FHAD1: variants seen among roughly 807,000 people sequenced by gnomAD.
FHAD1 encodes the protein forkhead-associated domain-containing protein 1.
A neutral mutation model predicts 191.3 loss-of-function variants in FHAD1; 146 were observed. The observed-to-expected ratio is 0.76, with a 90% confidence interval of 0.67 to 0.88. The LOEUF is 0.88. FHAD1 is among the 40% of genes least tolerant of loss of function. FHAD1 has a pLI of 0.00. For missense variants in FHAD1, 1,635 were observed against 1,785.8 expected, an observed-to-expected ratio of 0.92 and a Z score of 1.52; for synonymous variants, 616 against 672.3, an observed-to-expected ratio of 0.92 and a Z score of 1.29.
intron 2 of FHAD1, among the ~76,000 whole-genome samples, chr1:15,267,093 A>G (rs1314568092): frequency 6.6e-6 from 1 of 152,264 alleles, no homozygotes; most frequent in Non-Finnish European, 1.5e-5. Context: ...CAAATTAAAG[A>G]TGGACAAAAG....
intron 31 of FHAD1, among the ~76,000 whole-genome samples, chr1:15,383,002 CCACA>C (rs939706244): frequency 6.6e-6 from 1 of 151,952 alleles, no homozygotes; most frequent in African/African-American, 2.4e-5. Flanking sequence ...CCCCCTCCCA[CCACA>C]CACACACACG....
rs2102997828 is a variant in FHAD1, at chr1:15,382,026, A to G, written c.4023-2A>G. ...CAGACGCCATCTCTCCTGTGCACCC[A>G]GGCGGAGCAAAGTGTCCATTGAGAT... On this transcript the variant is annotated splice_acceptor_variant, in intron 30 of 33. Coordinates refer to ENST00000688493, the MANE Select transcript of FHAD1 (RefSeq NM_001391957.1). LOFTEE classifies it high-confidence loss of function. 1 of 1,552,004 alleles carries G rather than the reference A, an allele frequency of 6.4e-7. No homozygotes were observed.
In FHAD1 at chr1:15,295,158, T is replaced by TCTTG. The variant is rs558418486; in HGVS notation, c.569-1525_569-1522dup. Among the ~76,000 whole-genome samples, 119 of 152,274 alleles carry TCTTG rather than the reference T, an allele frequency of 7.8e-4. No homozygotes were observed. In the East Asian group the frequency reaches 0.011, roughly 14 times the overall value. On this transcript the variant is annotated intron_variant, in intron 4 of 33. Transcript: ENST00000688493. The stretch of plus-strand genomic sequence containing the variant: ...TGGATCAGGCAAACTTGAGTTCAAA[T>TCTTG]CTTGACTCTATCACTCACCAGCTGT...
Position 15,398,229 on chromosome 1 carries a change from A to G in FHAD1, c.*816A>G, listed in dbSNP as rs544403957. On this transcript the variant is annotated 3_prime_UTR_variant, in exon 34 of 34. Transcript: ENST00000688493. ...GAGGTGATGATTGCAGGGAGCCAAGATCACACAACTGCACTCTAGCCTGAG... is the reference window on the plus strand; with the variant it reads ...GAGGTGATGATTGCAGGGAGCCAAGGTCACACAACTGCACTCTAGCCTGAG... 6.7e-6 allele frequency: 1 copy of G among 150,140 alleles called. No homozygotes were observed. The highest frequency in any genetic ancestry group is 6.7e-5 in the Admixed American group (1 of 14,930). 9.3% of individuals were successfully genotyped at this position (150,140 alleles called of 1,614,324 possible).
At chr1:15,315,593 C>T (rs1046171768) in intron 8 of FHAD1, among the ~76,000 whole-genome samples, 1 of 149,098 alleles carries the variant, frequency 6.7e-6, no homozygotes, top group Non-Finnish European at 1.5e-5. Context: ...TCACGCCATT[C>T]TCCTGCCTCA....
Position 15,318,397 on chromosome 1 carries a change from G to A in FHAD1, c.1365+469G>A, listed in dbSNP as rs142534513. Among the ~76,000 whole-genome samples, 13 of 152,302 alleles carry A rather than the reference G, an allele frequency of 8.5e-5. No homozygotes were observed. The highest frequency in any genetic ancestry group is 3.9e-4 in the Admixed American group (6 of 15,302). On this transcript the variant is annotated intron_variant, in intron 10 of 33. Coordinates refer to ENST00000688493, the MANE Select transcript of FHAD1 (RefSeq NM_001391957.1). This position sits in a 1 kb window ranked among gnomAD's most constrained non-coding sequence, Gnocchi z 4.1. Reference sequence around the variant, plus strand: ...GCCTGTAATCCCAGCATTTTGGGAGGCTGAGGCAGATGGATCACCTGAGGT... The same window carrying A: ...GCCTGTAATCCCAGCATTTTGGGAGACTGAGGCAGATGGATCACCTGAGGT...
intron 2 of FHAD1, 22 bp downstream of exon 2, chr1:15,251,899 T>TC (rs1253843715): frequency 6.5e-7 from 1 of 1,535,284 alleles, no homozygotes; most frequent in Non-Finnish European, 8.8e-7. Flanking sequence ...TCCCACCTGT[T>TC]CCCGTCCCCT....
At chr1:15,278,627 C>A (rs1659376295) in intron 3 of FHAD1, among the ~76,000 whole-genome samples, 1 of 152,066 alleles carries the variant, frequency 6.6e-6, no homozygotes. Flanking sequence ...GTGTGTGCCA[C>A]CATGCCCAGC....
chr1:15,305,838 C>T lies in FHAD1; in HGVS notation c.916-2775C>T, dbSNP rs555111789. 6.7e-4 allele frequency: 277 copies of T among 410,734 alleles called. 2 individuals carry two copies. The highest frequency in any genetic ancestry group is 5.4e-3 in the African/African-American group (257 of 47,842). The allele number at this position is 410,734 out of a possible 1,614,324, so 25.4% of individuals were successfully genotyped here. ...TGGAACTGTAAGTCCAATTAAATCT[C>T]TTTTTCTTCCCAGTATCGGGTATGG... is the stretch of plus-strand genomic sequence containing the variant. On this transcript the variant is annotated intron_variant, in intron 6 of 33. Coordinates refer to ENST00000688493, the MANE Select transcript of FHAD1 (RefSeq NM_001391957.1).
upstream of FHAD1, among the ~76,000 whole-genome samples, chr1:15,245,106 T>C (rs1366891618): frequency 3.9e-5 from 6 of 152,292 alleles, no homozygotes; most frequent in Non-Finnish European, 5.9e-5. Flanking sequence ...TGAGAACTCA[T>C]GCACCCTACA....
At chr1:15,259,874 G>GCC (rs895112155) in intron 2 of FHAD1, among the ~76,000 whole-genome samples, 1 of 152,140 alleles carries the variant, frequency 6.6e-6, no homozygotes, top group Non-Finnish European at 1.5e-5. Flanking sequence ...GCCAGAAAGG[G>GCC]CCCCCCTCTC....
chr1:15,279,483 T>C (rs1056915077), intron 3 of FHAD1, among the ~76,000 whole-genome samples: 4 of 150,410 alleles, frequency 2.7e-5, no homozygotes, highest in African/African-American at 9.8e-5. Context: ...CCTCTTTCTC[T>C]GTACCGGGAG....
At chr1:15,374,721 A>T (rs1699070979) in intron 27 of FHAD1, 90 bp downstream of exon 27, 1 of 1,477,836 alleles carries the variant, frequency 6.8e-7, no homozygotes, top group Admixed American at 2.1e-5. Context: ...ACCATGTTTT[A>T]TCTGCATCAT....
At chr1:15,321,780 T>TGTGCATGTTTGCATGCACATGTGTGC (rs1558104100) in intron 10 of FHAD1, among the ~76,000 whole-genome samples, 2 of 152,228 alleles carry the variant, frequency 1.3e-5, no homozygotes, top group Non-Finnish European at 1.5e-5. Context: ...TATGTGTGAT[T>TGTGCATGTTTGCATGCACATGTGTGC]GTGCATGTTT....
intron 25 of FHAD1, 104 bp downstream of exon 25, chr1:15,367,726 T>G: frequency 1.1e-6 from 1 of 885,502 alleles, no homozygotes; most frequent in South Asian, 1.7e-5. Context: ...AGGAGTTGAA[T>G]GAATGAATGA....
At chr1:15,241,148 T>C (rs565739679) in intron 1 of FHAD1, among the ~76,000 whole-genome samples, 1 of 152,238 alleles carries the variant, frequency 6.6e-6, no homozygotes, top group African/African-American at 2.4e-5. Flanking sequence ...GTGGGTTGTT[T>C]TGAGCTGCTA....
At chr1:15,344,988 G>C in intron 16 of FHAD1, 95 bp from the exon 17 acceptor site, 1 of 929,482 alleles carries the variant, frequency 1.1e-6, no homozygotes, top group South Asian at 1.5e-5. Flanking sequence ...GGGGAGTGCG[G>C]TGAGGAGTGA....
rs139976714 is a variant in FHAD1 at position 15,314,017 on chromosome 1, G to A, written c.1170+830G>A. ...AGAAATTGCAGTGAGCTGAGATCGCGCCATTGCACTCCAGCCTGGGCAACA... is the reference window on the plus strand; with the variant it reads ...AGAAATTGCAGTGAGCTGAGATCGCACCATTGCACTCCAGCCTGGGCAACA... On this transcript the variant is annotated intron_variant, in intron 8 of 33. Coordinates refer to ENST00000688493, the MANE Select transcript of FHAD1 (RefSeq NM_001391957.1). Among the ~76,000 whole-genome samples the A allele has an allele frequency of 3.6e-3, 547 of 151,690 alleles. 4 individuals are homozygous for A. Among genetic ancestry groups the A allele is most frequent in the Admixed American group, 8.6e-3 (131 of 15,236 alleles).
At chr1:15,347,114 C>A (rs893050508) in intron 18 of FHAD1, among the ~76,000 whole-genome samples, 1 of 152,238 alleles carries the variant, frequency 6.6e-6, no homozygotes, top group East Asian at 1.9e-4. Context: ...TCTCCCTTGG[C>A]GTCTCTGGCA....
Sources: allele counts gnomAD v4.1 joint callset (sites outside exome capture counted in the v4.1 genomes callset), GRCh38; gene constraint gnomAD v4.1.1; non-coding constraint Gnocchi (gnomAD v3.1); transcripts MANE v1.5; gene names NCBI Gene and HGNC (gene_info 2026-07-23, HGNC 2026-07-21).